The following SPOCK3 variants were observed in gnomAD, a reference collection of about 807,000 sequenced individuals.
SPOCK3 encodes the protein SPARC (osteonectin), cwcv and kazal like domains proteoglycan 3.
SPOCK3 carries 30 observed loss-of-function variants against 56.6 expected under a neutral mutation model. The ratio of observed to expected loss-of-function variants is 0.53; its 90% confidence interval spans 0.40 to 0.72. The LOEUF (loss-of-function observed/expected upper bound fraction) is 0.72. SPOCK3 is among the 30% of genes least tolerant of loss of function. The pLI is 0.00. For synonymous variants in SPOCK3, 196 were observed against 183.3 expected (o/e 1.07, Z -0.56); for missense variants, 527 against 530.0 (o/e 0.99, Z 0.06).
intron 8 of SPOCK3, among the ~76,000 whole-genome samples, chr4:166,752,497 T>A (rs1026227367): frequency 4.0e-5 from 6 of 151,386 alleles, no homozygotes; most frequent in Non-Finnish European, 7.4e-5. Context: ...TCCATCCTAT[T>A]TTTGAGAGCG....
chr4:167,015,372 G>C (rs1347573971), intron 3 of SPOCK3, among the ~76,000 whole-genome samples: 1 of 152,038 alleles, frequency 6.6e-6, no homozygotes, highest in Non-Finnish European at 1.5e-5. Context: ...TAATAATACT[G>C]GCTAAAGTTA....
Position 166,860,802 on chromosome 4 carries a change from C to CATATATATATATATATACATAT in SPOCK3, c.589+28327_589+28328insATATGTATATATATATATATAT. On this transcript the variant is annotated intron_variant, in intron 6 of 10. Transcript: ENST00000357545. ...ACACGTGTACATGCACACACAAATT[C>CATATATATATATATATACATAT]ATATATATATATATGTATATATATA... 1.9e-4 allele frequency among the ~76,000 whole-genome samples: 19 copies of CATATATATATATATATACATAT among 101,940 alleles called. 1 individual carries two copies. Among genetic ancestry groups the CATATATATATATATATACATAT allele is most frequent in the Non-Finnish European group, 3.6e-4 (18 of 49,438 alleles). 66.9% of individuals were successfully genotyped at this position (101,940 alleles called of 152,430 possible). A position where few individuals can be genotyped will look rare whatever the true frequency, so the allele number is the denominator to read the frequency against.
At chr4:167,232,612 T>C (rs1242703247) in intron 2 of SPOCK3, among the ~76,000 whole-genome samples, 1 of 152,206 alleles carries the variant, frequency 6.6e-6, no homozygotes. Context: ...CGCTATCCTT[T>C]TTGCTTGTAC....
intron 2 of SPOCK3, among the ~76,000 whole-genome samples, chr4:167,153,235 C>T (rs755998802): frequency 1.3e-5 from 2 of 152,274 alleles, no homozygotes; most frequent in Admixed American, 6.5e-5. Context: ...CTTTGCCCTC[C>T]ATGAGGCTAT....
intron 3 of SPOCK3, among the ~76,000 whole-genome samples, chr4:167,001,655 G>T (rs913881795): frequency 1.2e-4 from 19 of 152,252 alleles, no homozygotes; most frequent in Admixed American, 1.2e-3. Context: ...ACCAGAGGAG[G>T]AGTTGGTACA....
chr4:167,144,930 C>T (rs1338829083), intron 2 of SPOCK3, among the ~76,000 whole-genome samples: 1 of 151,624 alleles, frequency 6.6e-6, no homozygotes, highest in Non-Finnish European at 1.5e-5. Flanking sequence ...AGCATTGTCA[C>T]AGGCATCTCA....
At chr4:166,800,551 C>T (rs879871244) in intron 6 of SPOCK3, among the ~76,000 whole-genome samples, 4 of 151,428 alleles carry the variant, frequency 2.6e-5, no homozygotes, top group Non-Finnish European at 4.4e-5. Context: ...TAGGCCTAGG[C>T]GAATGTGTGT....
intron 4 of SPOCK3, among the ~76,000 whole-genome samples, chr4:166,949,701 G>A (rs1040606922): frequency 6.6e-6 from 1 of 152,110 alleles, no homozygotes; most frequent in African/African-American, 2.4e-5. Flanking sequence ...TCCTCTGGAA[G>A]TTTCGTCTCA....
chr4:167,007,864 C>T (rs1435910970), intron 3 of SPOCK3, among the ~76,000 whole-genome samples: 1 of 152,044 alleles, frequency 6.6e-6, no homozygotes, highest in African/African-American at 2.4e-5. Flanking sequence ...ATGAATATTA[C>T]CATTGGCCAC....
At chr4:167,034,728 T>C (rs992684670) in intron 3 of SPOCK3, among the ~76,000 whole-genome samples, 3 of 152,148 alleles carry the variant, frequency 2.0e-5, no homozygotes, top group Admixed American at 1.3e-4. Flanking sequence ...AGAAAAATCG[T>C]TGGAGGTTAA....
chr4:167,034,626 A>G (rs1290689102), intron 3 of SPOCK3, among the ~76,000 whole-genome samples: 1 of 152,134 alleles, frequency 6.6e-6, no homozygotes, highest in East Asian at 1.9e-4. Context: ...ATGTACTGTC[A>G]CTAGCAAACT....
chr4:167,198,642 C>A (rs1279742921), intron 2 of SPOCK3, among the ~76,000 whole-genome samples: 1 of 151,950 alleles, frequency 6.6e-6, no homozygotes, highest in Non-Finnish European at 1.5e-5. Flanking sequence ...TTGTGTTTTT[C>A]TTTTATTTTG....
chr4:166,943,467 A>C (rs1741351575), intron 4 of SPOCK3, among the ~76,000 whole-genome samples: 1 of 152,210 alleles, frequency 6.6e-6, no homozygotes, highest in Non-Finnish European at 1.5e-5. Context: ...TAATCACATT[A>C]TTTAGTGAAA....
intron 6 of SPOCK3, among the ~76,000 whole-genome samples, chr4:166,862,549 T>C (rs77274410): frequency 0.032 from 4,897 of 152,160 alleles, 268 homozygotes; most frequent in African/African-American, 0.11. Flanking sequence ...TTTTAAGTGT[T>C]CTCTTTTACA....
chr4:167,149,378 C>T (rs894656956), intron 2 of SPOCK3, among the ~76,000 whole-genome samples: 1 of 151,864 alleles, frequency 6.6e-6, no homozygotes, highest in African/African-American at 2.4e-5. Flanking sequence ...CAGAAGGGTG[C>T]TTCTGGCTAA....
intron 2 of SPOCK3, among the ~76,000 whole-genome samples, chr4:167,226,167 A>G (rs1736574153): frequency 6.6e-6 from 1 of 152,208 alleles, no homozygotes; most frequent in African/African-American, 2.4e-5. Context: ...AAATGATTTC[A>G]CTAAAGGAAA....
intron 6 of SPOCK3, among the ~76,000 whole-genome samples, chr4:166,854,121 T>C (rs1444759609): frequency 6.6e-6 from 1 of 152,198 alleles, no homozygotes; most frequent in African/African-American, 2.4e-5. Context: ...ATTATAGATA[T>C]ATTGAACTTA....
At chr4:166,810,023 AT>A (rs1743603167) in intron 6 of SPOCK3, among the ~76,000 whole-genome samples, 1 of 152,122 alleles carries the variant, frequency 6.6e-6, no homozygotes, top group Admixed American at 6.6e-5. Context: ...GGTTTACTTC[AT>A]TCCTACCCGC....
chr4:167,099,927 CATT>C (rs1759487568), intron 2 of SPOCK3, among the ~76,000 whole-genome samples: 1 of 152,076 alleles, frequency 6.6e-6, no homozygotes, highest in African/African-American at 2.4e-5. Context: ...TAATTTGACA[CATT>C]AATTTCTTTC....
Sources: allele counts gnomAD v4.1 joint callset (sites outside exome capture counted in the v4.1 genomes callset), GRCh38; gene constraint gnomAD v4.1.1; transcripts MANE v1.5; gene names NCBI Gene and HGNC (gene_info 2026-07-23, HGNC 2026-07-21).